Variants in TXNDC12 observed in about 807,000 individuals in gnomAD.
The protein encoded by TXNDC12 is thioredoxin domain containing 12, also known as thioredoxin domain-containing protein 12.
TXNDC12 carries 22 observed loss-of-function variants against 24.2 expected under a neutral mutation model. The ratio of observed to expected loss-of-function variants is 0.91; its 90% CI spans 0.65 to 1.30. The LOEUF is 1.30. Ranked by LOEUF, TXNDC12 falls within the 50% of genes most tolerant of loss-of-function variation. The pLI is 0.00. For missense variants in TXNDC12, 184 were observed against 205.8 expected (o/e 0.89, Z 0.65); for synonymous variants, 58 against 73.4 (o/e 0.79, Z 1.07).
intron 2 of TXNDC12, among the ~76,000 whole-genome samples, chr1:52,037,612 C>T (rs906080329): frequency 2.0e-5 from 3 of 152,204 alleles, no homozygotes; most frequent in African/African-American, 7.2e-5. Flanking sequence ...TAGTCTCTTA[C>T]TGGCAAGGTA....
intron 2 of TXNDC12, among the ~76,000 whole-genome samples, chr1:52,035,570 G>T (rs984279819): frequency 6.6e-6 from 1 of 152,046 alleles, no homozygotes; most frequent in Admixed American, 6.6e-5. Context: ...AAAATTAGTC[G>T]GGTGGGGTAG....
chr1:52,023,043 A>T (rs1394388823), intron 6 of TXNDC12: 1 of 153,874 alleles, frequency 6.5e-6, no homozygotes, highest in African/African-American at 2.4e-5. Context: ...TCGGCCTCCC[A>T]AAGTGCTGAG....
At chr1:52,054,174 C>T (rs910213194) in intron 1 of TXNDC12, among the ~76,000 whole-genome samples, 1 of 149,760 alleles carries the variant, frequency 6.7e-6, no homozygotes, top group African/African-American at 2.5e-5. Context: ...AAAACAAAAA[C>T]AGAAGGATTG....
At chr1:52,052,562 T>C (rs1300351609) in intron 1 of TXNDC12, 1 of 168,704 alleles carries the variant, frequency 5.9e-6, no homozygotes, top group East Asian at 1.9e-4. Flanking sequence ...AAAGATCACA[T>C]GGAGAGGTAA....
chr1:52,037,518 G>T (rs58426911), intron 2 of TXNDC12, among the ~76,000 whole-genome samples: 3 of 152,052 alleles, frequency 2.0e-5, no homozygotes, highest in Admixed American at 1.3e-4. Context: ...GCCGCAAATA[G>T]ACTTTTTAAT....
chr1:52,049,394 A>G (rs1686156932), intron 1 of TXNDC12, among the ~76,000 whole-genome samples: 1 of 152,104 alleles, frequency 6.6e-6, no homozygotes, highest in African/African-American at 2.4e-5. Context: ...GTTTGAGACC[A>G]GCCTGATCAA....
chr1:52,023,796 G>T (rs1412438366), intron 5 of TXNDC12, among the ~76,000 whole-genome samples: 14 of 151,942 alleles, frequency 9.2e-5, no homozygotes, highest in Admixed American at 9.2e-4. Context: ...ACAAAGATTA[G>T]GTGGTCATTA....
intron 5 of TXNDC12, among the ~76,000 whole-genome samples, chr1:52,024,160 A>G (rs1020164308): frequency 1.6e-4 from 25 of 151,794 alleles, no homozygotes; most frequent in Admixed American, 3.9e-4. Context: ...ACACCCGGCT[A>G]ATTTTTGTAC....
At chr1:52,034,119 C>A in intron 2 of TXNDC12, 1 of 1,160,500 alleles carries the variant, frequency 8.6e-7, no homozygotes, top group Non-Finnish European at 1.1e-6. Context: ...TTAATAAATG[C>A]TGGTTCTCCT....
intron 2 of TXNDC12, among the ~76,000 whole-genome samples, chr1:52,038,884 CT>C (rs762428470): frequency 1.3e-4 from 16 of 125,700 alleles, no homozygotes; most frequent in African/African-American, 2.3e-4. Flanking sequence ...CATGAATTTT[CT>C]TTTTTTTTTC....
chr1:52,047,847 C>G (rs1428634784), intron 1 of TXNDC12, among the ~76,000 whole-genome samples: 1 of 152,200 alleles, frequency 6.6e-6, no homozygotes, highest in East Asian at 1.9e-4. Context: ...TAAAGTCCCT[C>G]TTACCACTGG....
rs1442634621 is a variant in TXNDC12, at chr1:52,051,457, C to T, written c.97+3543G>A. Among the ~76,000 whole-genome samples the T allele has an allele frequency of 3.3e-5, 5 of 152,240 alleles. No individual in the cohort carries two copies. The East Asian group carries it at 9.6e-4, about 29-fold the overall frequency. On this transcript the variant is annotated intron_variant, in intron 1 of 6. Transcript: ENST00000371626. ...GTGGCACTATCTTGGCTCACTGCAA[C>T]CTCCGCCTCCCAGGTTCAAGCAATT...
intron 6 of TXNDC12, among the ~76,000 whole-genome samples, chr1:52,021,341 C>T (rs1388054482): frequency 6.6e-6 from 1 of 152,044 alleles, no homozygotes; most frequent in Non-Finnish European, 1.5e-5. Context: ...AGCTGATCCC[C>T]TGTCCTAGAC....
intron 1 of TXNDC12, chr1:52,050,792 T>C (rs1221092019): frequency 1.8e-5 from 3 of 163,572 alleles, no homozygotes; most frequent in Non-Finnish European, 4.4e-5. Flanking sequence ...AGTAGAACAC[T>C]GTGTGGGAGG....
At chr1:52,032,629 C>T (rs1685784792) in intron 2 of TXNDC12, 8 of 1,529,280 alleles carry the variant, frequency 5.2e-6, no homozygotes, top group Non-Finnish European at 7.0e-6. Flanking sequence ...GACCTGCAGC[C>T]TATTTTTCCC....
At chr1:52,049,399 G>C (rs1018537757) in intron 1 of TXNDC12, among the ~76,000 whole-genome samples, 4 of 152,162 alleles carry the variant, frequency 2.6e-5, no homozygotes, top group South Asian at 2.1e-4. Flanking sequence ...AGACCAGCCT[G>C]ATCAACACAG....
At chr1:52,050,708 C>T (rs1269624826) in intron 1 of TXNDC12, among the ~76,000 whole-genome samples, 1 of 152,208 alleles carries the variant, frequency 6.6e-6, no homozygotes, top group East Asian at 1.9e-4. Context: ...AATTCTTGTT[C>T]AGCCACTTAC....
chr1:52,027,936 G>A (rs1227609728), intron 3 of TXNDC12, among the ~76,000 whole-genome samples: 8 of 151,762 alleles, frequency 5.3e-5, no homozygotes, highest in Admixed American at 5.3e-4. Context: ...GGGCTCAAGC[G>A]ATTCTCAGCC....
intron 2 of TXNDC12, among the ~76,000 whole-genome samples, chr1:52,039,422 G>C (rs1685946070): frequency 6.6e-6 from 1 of 152,076 alleles, no homozygotes; most frequent in South Asian, 2.1e-4. Context: ...CCGTCTCCCA[G>C]GTTCAAGCGA....
Sources: allele counts gnomAD v4.1 joint callset (sites outside exome capture counted in the v4.1 genomes callset), GRCh38; gene constraint gnomAD v4.1.1; transcripts MANE v1.5; gene names NCBI Gene and HGNC (gene_info 2026-07-23, HGNC 2026-07-21).